Variants in RXFP2 observed in about 807,000 individuals in gnomAD.
The protein encoded by RXFP2 is relaxin family peptide receptor 2.
In RXFP2, 68 loss-of-function variants were observed where a neutral mutation model predicts 88.6. That is an observed-to-expected ratio of 0.77 (90% CI 0.63 to 0.94). The LOEUF (loss-of-function observed/expected upper bound fraction) is 0.94, where lower values mean the gene tolerates loss of function less well. Ranked by LOEUF, RXFP2 falls within the 40% of genes least tolerant of loss-of-function variation. The pLI, the probability that RXFP2 is intolerant of heterozygous loss-of-function variation, is 0.00. For missense variants in RXFP2, 791 were observed against 893.9 expected (o/e 0.88, Z 1.47); for synonymous variants, 329 against 306.8 (o/e 1.07, Z -0.76).
intron 3 of RXFP2, among the ~76,000 whole-genome samples, chr13:31,763,579 T>C (rs995206043): frequency 6.6e-6 from 1 of 152,290 alleles, no homozygotes; most frequent in Middle Eastern, 3.4e-3. Flanking sequence ...CTGGTTATTA[T>C]GTTTATTCCA....
rs368302935 is a variant in RXFP2 at position 31,797,418 on chromosome 13, A to G, written c.2004A>G (p.Pro668=). ...TTTCCCTCTTCCGGGTGGAAATACC[A>G]GGTCAGTCTCTTCTATCATTCCCAA... ...KILSLFRVEI[P]DTMTSWIVIF... Residue 668 remains proline, a splice_region_variant and synonymous_variant, in exon 17 of 18, where the codon CCA becomes CCG. Transcript: ENST00000298386. 6.2e-7 allele frequency: 1 copy of G among 1,609,454 alleles called. No homozygotes were observed. Among genetic ancestry groups the G allele is most frequent in the Non-Finnish European group, 8.5e-7 (1 of 1,175,952 alleles).
rs180844520 is a variant in RXFP2, at chr13:31,781,678, G to A, written c.793G>A (p.Glu265Lys). 4.3e-5 allele frequency: 70 copies of A among 1,609,418 alleles called. No homozygotes were observed. In the Admixed American group the frequency reaches 1.1e-3, roughly 26 times the overall value. The change falls in exon 10 of 18, where the codon GAA (glutamate) becomes AAA (lysine). Residue 265 changes from glutamate (E) to lysine (K), a missense_variant. Transcript: ENST00000298386. ...TTCCTCCATGACTTCCAGGGATTTGGAAGGCAATAGAATAAAGTATCTCAC... is the reference window on the plus strand; with the variant it reads ...TTCCTCCATGACTTCCAGGGATTTGAAAGGCAATAGAATAAAGTATCTCAC... ...QMPQLNWVDL[E>K]GNRIKYLTNS...
chr13:31,770,488 A>G (rs1872697789), intron 5 of RXFP2, among the ~76,000 whole-genome samples: 1 of 152,314 alleles, frequency 6.6e-6, no homozygotes, highest in South Asian at 2.1e-4. Flanking sequence ...CTGACCTGCC[A>G]TATAGCCTTT....
intron 5 of RXFP2, among the ~76,000 whole-genome samples, chr13:31,769,796 C>T (rs557541413): frequency 4.6e-5 from 7 of 152,252 alleles, no homozygotes; most frequent in African/African-American, 1.7e-4. Context: ...AGTCATGGGT[C>T]CTTAAATACA....
rs1039759653 is a variant in RXFP2 at position 31,778,732 on chromosome 13, T to C, written c.785+149T>C. On this transcript the variant is annotated intron_variant, in intron 9 of 17. Transcript: ENST00000298386. ...ATTACCTTCCCAGTTTCAAAATTAT[T>C]TGAGGGTTCCCAAAGGGTGAGGGTA... 9 of 751,812 alleles carry C rather than the reference T, an allele frequency of 1.2e-5. No individual in the cohort carries two copies. In the East Asian group the frequency reaches 2.0e-4, roughly 17 times the overall value. The allele number at this position is 751,812 out of a possible 1,614,324, so 46.6% of individuals were successfully genotyped here. A position where few individuals can be genotyped will look rare whatever the true frequency, so the allele number is the denominator to read the frequency against.
At position 31,802,585 on chromosome 13, in the gene RXFP2, T is replaced by A. The variant is rs1874407708; in HGVS notation, c.*180T>A. 1.4e-5 allele frequency: 10 copies of A among 693,402 alleles called. No individual in the cohort carries two copies. The South Asian group carries it at 1.5e-4, about 10-fold the overall frequency. 43.0% of individuals were successfully genotyped at this position (693,402 alleles called of 1,614,324 possible). ...CAGCTGTACTATCTACCAACCATGC[T>A]GAGGACAGCACCAAAGGTTCCTCTC... On this transcript the variant is annotated 3_prime_UTR_variant, in exon 18 of 18. Coordinates refer to ENST00000298386, the MANE Select transcript of RXFP2 (RefSeq NM_130806.5).
chr13:31,799,393 G>A (rs1221510005), intron 17 of RXFP2, among the ~76,000 whole-genome samples: 1 of 152,080 alleles, frequency 6.6e-6, no homozygotes, highest in Non-Finnish European at 1.5e-5. Flanking sequence ...TGTATTTTTA[G>A]TAGAGACAGG....
At chr13:31,786,224 G>A (rs573015140) in intron 11 of RXFP2, among the ~76,000 whole-genome samples, 159 bp from the exon 12 acceptor site, 1 of 152,282 alleles carries the variant, frequency 6.6e-6, no homozygotes, top group Admixed American at 6.5e-5. Context: ...TATCCATTTG[G>A]CTGACTCATA....
chr13:31,755,506 T>C (rs1017784748), intron 1 of RXFP2, among the ~76,000 whole-genome samples: 2 of 151,998 alleles, frequency 1.3e-5, no homozygotes, highest in Non-Finnish European at 2.9e-5. Context: ...TGGATTGTGA[T>C]ATAAAATATA....
In RXFP2 at chr13:31,791,981, T is replaced by C. The variant is rs1196409691; in HGVS notation, c.1321T>C (p.Ser441Pro). The change falls in exon 15 of 18, where the codon TCT (serine) becomes CCT (proline). Residue 441 changes from serine (S) to proline (P), a missense_variant. Coordinates refer to ENST00000298386, the MANE Select transcript of RXFP2 (RefSeq NM_130806.5). Reference protein sequence around the residue: ...FGNLFVIGMRSFIKAENTTHA... With the variant: ...FGNLFVIGMRPFIKAENTTHA... The stretch of plus-strand genomic sequence containing the variant: ...AAATCTTTTTGTCATTGGCATGAGA[T>C]CTTTCATTAAAGCTGAAAATACAAC... The C allele has an allele frequency of 1.2e-6, 2 of 1,614,168 alleles. No homozygotes were observed. Among genetic ancestry groups the C allele is most frequent in the East Asian group, 2.2e-5 (1 of 44,876 alleles).
At chr13:31,749,973 G>A (rs925899110) in intron 1 of RXFP2, among the ~76,000 whole-genome samples, 3 of 152,120 alleles carry the variant, frequency 2.0e-5, no homozygotes, top group Non-Finnish European at 4.4e-5. Flanking sequence ...CATATGCTGT[G>A]GGGTTTTATA....
intron 8 of RXFP2, 45 bp from the exon 9 acceptor site, chr13:31,778,467 G>A: frequency 7.8e-7 from 1 of 1,277,760 alleles, no homozygotes; most frequent in Non-Finnish European, 1.1e-6. Context: ...TGTCCTAAAA[G>A]TGTCATATCA....
At chr13:31,764,091 T>C (rs1156907390) in intron 3 of RXFP2, among the ~76,000 whole-genome samples, 1 of 152,008 alleles carries the variant, frequency 6.6e-6, no homozygotes. Flanking sequence ...TTAAAATAAA[T>C]AACAAAATAA....
At chr13:31,773,772 G>T (rs1872818908) in intron 5 of RXFP2, among the ~76,000 whole-genome samples, 1 of 152,152 alleles carries the variant, frequency 6.6e-6, no homozygotes, top group Non-Finnish European at 1.5e-5. Flanking sequence ...AAATAGTTTT[G>T]CAGTAGAATA....
At chr13:31,766,102 A>G (rs200098604) in intron 5 of RXFP2, 75 bp downstream of exon 5, 1 of 782,324 alleles carries the variant, frequency 1.3e-6, no homozygotes, top group Non-Finnish European at 2.3e-6. Context: ...ATCTAAAAAT[A>G]AAATATTGTT....
At chr13:31,777,811 T>G (rs1393658635) in intron 8 of RXFP2, among the ~76,000 whole-genome samples, 2 of 152,216 alleles carry the variant, frequency 1.3e-5, no homozygotes, top group Non-Finnish European at 1.5e-5. Flanking sequence ...CAACTCCATT[T>G]TTAATGGAAG....
chr13:31,747,328 TA>T (rs1045987420), intron 1 of RXFP2, among the ~76,000 whole-genome samples: 5 of 151,868 alleles, frequency 3.3e-5, no homozygotes, highest in African/African-American at 4.8e-5. Flanking sequence ...GAAAATGGCT[TA>T]AAAAAAACAG....
intron 13 of RXFP2, among the ~76,000 whole-genome samples, chr13:31,787,477 G>T (rs1873596033): frequency 1.3e-5 from 2 of 152,244 alleles, no homozygotes; most frequent in African/African-American, 4.8e-5. Context: ...ACCTGAGGAT[G>T]TGGACAGCAT....
At position 31,777,375 on chromosome 13, in the gene RXFP2, G is replaced by C. The variant is rs1291940663; in HGVS notation, c.642-1G>C. 6.2e-7 allele frequency: 1 copy of C among 1,606,232 alleles called. No individual in the cohort carries two copies. Among genetic ancestry groups the C allele is most frequent in the African/African-American group, 1.3e-5 (1 of 74,744 alleles). On this transcript the variant is annotated splice_acceptor_variant, in intron 7 of 17. Transcript: ENST00000298386. LOFTEE classifies it high-confidence loss of function. ...AAATGTTTCTTGATACATTTTGTCA[G>C]AATTCTAGATGACAATCCAATAACC...
Sources: allele counts gnomAD v4.1 joint callset (sites outside exome capture counted in the v4.1 genomes callset), GRCh38; gene constraint gnomAD v4.1.1; transcripts MANE v1.5; gene names NCBI Gene and HGNC (gene_info 2026-07-23, HGNC 2026-07-21).